Variants in ACOT7 observed in about 807,000 individuals in gnomAD.
The protein encoded by ACOT7 is cytosolic acyl coenzyme A thioester hydrolase.
A neutral mutation model predicts 40.2 loss-of-function variants in ACOT7; 12 were observed. The ratio of observed to expected loss-of-function variants is 0.30; its 90% CI spans 0.19 to 0.48. ACOT7 has a LOEUF of 0.48. Ranked by LOEUF, ACOT7 falls within the 20% of genes least tolerant of loss-of-function variation. The probability of loss-of-function intolerance (pLI) is 0.99; values close to 1 mark genes in which losing one functional copy is unlikely to be tolerated. For synonymous variants in ACOT7, 228 were observed against 219.5 expected, an observed-to-expected ratio of 1.04 and a Z score of -0.34; for missense variants, 395 against 530.8, an observed-to-expected ratio of 0.74 and a Z score of 2.51.
rs74435315 is a variant in ACOT7 at position 6,275,351 on chromosome 1, C to T, written c.1014+5751G>A. ...TCTTCTAGGTCGGGGCACGTCAGAGCGGACAAAGCTCAACAGGGTGCGTTT... is the reference window on the plus strand; with the variant it reads ...TCTTCTAGGTCGGGGCACGTCAGAGTGGACAAAGCTCAACAGGGTGCGTTT... On this transcript the variant is annotated intron_variant, in intron 8 of 8. Transcript: ENST00000361521. This position sits in a 1 kb window ranked among gnomAD's most constrained non-coding sequence, Gnocchi z 5.6. 5.3e-3 allele frequency among the ~76,000 whole-genome samples: 801 copies of T among 152,308 alleles called. 4 individuals are homozygous for T. Among genetic ancestry groups the T allele is most frequent in the Non-Finnish European group, 8.5e-3 (580 of 68,026 alleles).
At chr1:6,280,705 A>G (rs35934384) in intron 8 of ACOT7, among the ~76,000 whole-genome samples, 20,961 of 152,164 alleles carry the variant, frequency 0.14, 1,511 homozygotes, top group African/African-American at 0.18. Flanking sequence ...GACCCAGGGC[A>G]CGGTCCTCAT....
At chr1:6,297,768 T>C (rs1162577255) in intron 6 of ACOT7, among the ~76,000 whole-genome samples, 3 of 152,176 alleles carry the variant, frequency 2.0e-5, no homozygotes, top group Admixed American at 1.3e-4. Flanking sequence ...TTAGATACAA[T>C]ATCTGGGATC....
chr1:6,286,265 T>C (rs1639499739), intron 7 of ACOT7, among the ~76,000 whole-genome samples: 1 of 152,198 alleles, frequency 6.6e-6, no homozygotes, highest in Non-Finnish European at 1.5e-5. Flanking sequence ...CATCTCCCAC[T>C]GAGCGGGCGG....
chr1:6,328,707 C>A (rs763610482), intron 4 of ACOT7, among the ~76,000 whole-genome samples: 7 of 152,162 alleles, frequency 4.6e-5, no homozygotes, highest in Non-Finnish European at 1.0e-4. Flanking sequence ...AAATAAAAAA[C>A]ACCAACAACT....
intron 1 of ACOT7, among the ~76,000 whole-genome samples, chr1:6,380,619 C>G (rs1272550688): frequency 6.9e-6 from 1 of 145,096 alleles, no homozygotes; most frequent in Non-Finnish European, 1.5e-5. Flanking sequence ...GACGACCTCT[C>G]AATGGGGAAA....
chr1:6,352,617 C>A lies in ACOT7; in HGVS notation c.144-2751G>T, dbSNP rs1985414. 0.33 allele frequency among the ~76,000 whole-genome samples: 49,050 copies of A among 149,622 alleles called. 11,849 individuals are homozygous for A. Among genetic ancestry groups the A allele is most frequent in the African/African-American group, 0.69 (28,031 of 40,584 alleles). On this transcript the variant is annotated intron_variant, in intron 1 of 8. Transcript: ENST00000361521. The surrounding 1 kb of genome is among the most constrained non-coding windows in gnomAD (Gnocchi z 4.5). ...TTCTTTTTTTTTTTTTTTGAGACGG[C>A]GTCTCGCTCTGTCTCCCAGGCTGGA...
intron 1 of ACOT7, among the ~76,000 whole-genome samples, chr1:6,387,166 G>T (rs1310409011): frequency 6.6e-6 from 1 of 151,916 alleles, no homozygotes; most frequent in Non-Finnish European, 1.5e-5. Flanking sequence ...AGATCTTTTT[G>T]CCAGGGGCCA....
intron 4 of ACOT7, among the ~76,000 whole-genome samples, chr1:6,327,646 G>T (rs1208888277): frequency 6.6e-6 from 1 of 152,214 alleles, no homozygotes; most frequent in Non-Finnish European, 1.5e-5. Flanking sequence ...TCCTGGAATT[G>T]CTTTAATGCC....
chr1:6,312,766 C>T (rs1234238507), intron 6 of ACOT7, among the ~76,000 whole-genome samples: 1 of 152,224 alleles, frequency 6.6e-6, no homozygotes, highest in Non-Finnish European at 1.5e-5. Flanking sequence ...CCGCACCTGG[C>T]CGATGTACTA....
chr1:6,339,646 C>T (rs1417562361), intron 2 of ACOT7, 57 bp from the exon 3 acceptor site: 1 of 1,584,624 alleles, frequency 6.3e-7, no homozygotes, highest in Admixed American at 1.7e-5. Flanking sequence ...CCGAGAGCCC[C>T]ACCCAGGACA....
intron 1 of ACOT7, among the ~76,000 whole-genome samples, chr1:6,371,522 T>C (rs1642133923): frequency 1.3e-5 from 2 of 151,650 alleles, no homozygotes; most frequent in Admixed American, 6.6e-5. Context: ...GCCACCACAC[T>C]CAGCTAATTT....
At chr1:6,362,797 C>G (rs1014316798) in intron 1 of ACOT7, among the ~76,000 whole-genome samples, 1 of 152,090 alleles carries the variant, frequency 6.6e-6, no homozygotes, top group Non-Finnish European at 1.5e-5. Context: ...CGCCTGTAAT[C>G]CCAGCACTTT....
At chr1:6,272,038 C>A (rs542036921) in intron 8 of ACOT7, among the ~76,000 whole-genome samples, 3 of 152,374 alleles carry the variant, frequency 2.0e-5, no homozygotes, top group Admixed American at 6.5e-5. Context: ...GCGGTCCCCA[C>A]CCTACAACAC....
intron 3 of ACOT7, among the ~76,000 whole-genome samples, chr1:6,334,913 CG>C (rs1641057155): frequency 6.6e-6 from 1 of 152,172 alleles, no homozygotes; most frequent in Non-Finnish European, 1.5e-5. Context: ...TTGTCAGGCA[CG>C]GTGGCTCACA....
At chr1:6,370,491 T>TATTATTATC (rs1642109803) in intron 1 of ACOT7, among the ~76,000 whole-genome samples, 1 of 147,966 alleles carries the variant, frequency 6.8e-6, no homozygotes, top group Non-Finnish European at 1.5e-5. Context: ...TTATTATTAT[T>TATTATTATC]ATTATTATTA....
intron 6 of ACOT7, among the ~76,000 whole-genome samples, chr1:6,312,811 T>G (rs528532701): frequency 3.3e-4 from 51 of 152,328 alleles, no homozygotes; most frequent in African/African-American, 1.2e-3. Flanking sequence ...AACCATCTCA[T>G]GTACCCCATA....
chr1:6,272,754 C>G (rs577423907), intron 8 of ACOT7, among the ~76,000 whole-genome samples: 5 of 152,238 alleles, frequency 3.3e-5, no homozygotes, highest in Non-Finnish European at 7.3e-5. Context: ...ACTCCAAGTC[C>G]CATGGCCAGG....
intron 7 of ACOT7, among the ~76,000 whole-genome samples, chr1:6,290,960 C>T (rs566702188): frequency 1.3e-5 from 2 of 152,336 alleles, no homozygotes; most frequent in African/African-American, 4.8e-5. Context: ...GCCCCTTCTC[C>T]AGGCTGACGT....
At position 6,353,397 on chromosome 1, in the gene ACOT7, C is replaced by T. The variant is rs574518475; in HGVS notation, c.144-3531G>A. The stretch of plus-strand genomic sequence containing the variant: ...CTGTAATCCCAGCACTTACAGAGGC[C>T]GAGGCGGGGGCGGATCACTTGAGGT... On this transcript the variant is annotated intron_variant, in intron 1 of 8. Transcript: ENST00000361521. 5.1e-4 allele frequency among the ~76,000 whole-genome samples: 77 copies of T among 152,038 alleles called. 1 individual carries two copies. The highest frequency in any genetic ancestry group is 1.2e-3 in the Admixed American group (18 of 15,260).
Sources: gnomAD v4.1 joint callset for allele counts (sites outside exome capture counted in the v4.1 genomes callset) on GRCh38, gnomAD v4.1.1 for gene constraint, Gnocchi (gnomAD v3.1) non-coding constraint, MANE v1.5 for transcripts, NCBI Gene and HGNC (gene_info 2026-07-23, HGNC 2026-07-21) for gene names.